The following PLA2R1 variants were observed in gnomAD, a reference collection of about 807,000 sequenced individuals.
The protein encoded by PLA2R1 is phospholipase A2 receptor 1.
Under a neutral mutation model 195.9 loss-of-function variants are expected in PLA2R1, and 158 were observed. The ratio of observed to expected loss-of-function variants is 0.81; its 90% CI spans 0.71 to 0.92. PLA2R1 has a LOEUF of 0.92. PLA2R1 is among the 40% of genes least tolerant of loss of function. PLA2R1 has a pLI of 0.00. For missense variants in PLA2R1, 1,626 were observed against 1,764.6 expected, an observed-to-expected ratio of 0.92 and a Z score of 1.41; for synonymous variants, 586 against 598.2, an observed-to-expected ratio of 0.98 and a Z score of 0.30.
In PLA2R1 at chr2:159,934,794, T is replaced by C. The variant is rs1194545140; in HGVS notation, c.*6984A>G. ...TCTAATGGTACATCTCATAAAACCA[T>C]GGTATAATCATCAAAACAAAGAAAC... On this transcript the variant is annotated 3_prime_UTR_variant, in exon 30 of 30. Coordinates refer to ENST00000283243, the MANE Select transcript of PLA2R1 (RefSeq NM_007366.5). The C allele has an allele frequency of 6.6e-6, 1 of 152,188 alleles. No homozygotes were observed. The allele number at this position is 152,188 out of a possible 1,614,324, so 9.4% of individuals were successfully genotyped here.
intron 3 of PLA2R1, among the ~76,000 whole-genome samples, chr2:160,038,223 T>C (rs761006820): frequency 6.6e-6 from 1 of 152,210 alleles, no homozygotes; most frequent in Admixed American, 6.5e-5. Context: ...ATTTTTAAGA[T>C]GTTATTTCAA....
chr2:159,977,189 T>C (rs1331079339), intron 15 of PLA2R1, 95 bp downstream of exon 15: 2 of 889,518 alleles, frequency 2.2e-6, no homozygotes, highest in African/African-American at 1.7e-5. Flanking sequence ...TATCATGCAA[T>C]TTGTTGATAT....
rs1184746560 is a variant in PLA2R1, at chr2:159,941,932, A to G, written c.4238T>C (p.Ile1413Thr). The G allele has an allele frequency of 6.2e-7, 1 of 1,614,000 alleles. No homozygotes were observed. Among genetic ancestry groups the G allele is most frequent in the South Asian group, 1.1e-5 (1 of 91,080 alleles). Residue 1413 changes from isoleucine (I) to threonine (T), a missense_variant, in exon 30 of 30, where the codon ATT (isoleucine) becomes ACT (threonine). Ile to Thr is a moderately conservative substitution (Grantham distance 89). Transcript: ENST00000283243. ...VVLTLIVIVAICTLSFCIYKH... is the reference protein window; with the variant it reads ...VVLTLIVIVATCTLSFCIYKH... ...GTATATGCAGAAGGAAAGTGTGCAA[A>G]TGGCCACAATGACTATCAGTGTCAG...
Position 159,987,145 on chromosome 2 carries a change from C to T in PLA2R1, c.2037+11G>A. 1.3e-6 allele frequency: 2 copies of T among 1,595,902 alleles called. No homozygotes were observed. The highest frequency in any genetic ancestry group is 1.3e-5 in the African/African-American group (1 of 74,600). ...GTCCTGTTAAGAATGTCCATGTAAC[C>T]TTGGTATCACCTTGAAGCAACTGGC... On this transcript the variant is annotated intron_variant, in intron 12 of 29. Transcript: ENST00000283243.
intron 24 of PLA2R1, among the ~76,000 whole-genome samples, chr2:159,950,764 C>T (rs1296765443): frequency 1.3e-5 from 2 of 152,144 alleles, no homozygotes; most frequent in African/African-American, 4.8e-5. Context: ...ACAGTGTTCA[C>T]AATTACTAAC....
intron 10 of PLA2R1, among the ~76,000 whole-genome samples, chr2:160,011,039 C>T (rs1399155822): frequency 6.6e-6 from 1 of 152,200 alleles, no homozygotes; most frequent in Non-Finnish European, 1.5e-5. Context: ...TGCCATAGTT[C>T]TGCTTTACAG....
At chr2:160,035,673 C>T (rs1448576654) in intron 3 of PLA2R1, among the ~76,000 whole-genome samples, 4 of 152,046 alleles carry the variant, frequency 2.6e-5, no homozygotes, top group Non-Finnish European at 5.9e-5. Flanking sequence ...TGAGAGATTA[C>T]CAGAATCTTT....
intron 6 of PLA2R1, among the ~76,000 whole-genome samples, 172 bp downstream of exon 6, chr2:160,028,046 A>G (rs1693629192): frequency 6.6e-6 from 1 of 152,242 alleles, no homozygotes; most frequent in Non-Finnish European, 1.5e-5. Flanking sequence ...TGTTAAAATC[A>G]CAGTCCCTTT....
intron 7 of PLA2R1, among the ~76,000 whole-genome samples, chr2:160,020,981 G>A (rs1033636844): frequency 6.6e-6 from 1 of 152,136 alleles, no homozygotes; most frequent in South Asian, 2.1e-4. Context: ...AACCATGTAT[G>A]TATGTTAAGC....
chr2:159,943,637 T>C (rs1171975075), intron 28 of PLA2R1, among the ~76,000 whole-genome samples: 1 of 152,150 alleles, frequency 6.6e-6, no homozygotes, highest in Non-Finnish European at 1.5e-5. Context: ...GATATTTAAA[T>C]TGCTCCACTA....
chr2:160,020,032 G>T, intron 8 of PLA2R1, 74 bp downstream of exon 8: 1 of 1,156,598 alleles, frequency 8.6e-7, no homozygotes, highest in Non-Finnish European at 1.3e-6. Context: ...CTCTGCCACA[G>T]CCCAAAGCTC....
intron 1 of PLA2R1, among the ~76,000 whole-genome samples, chr2:160,048,785 C>T (rs1224849994): frequency 6.6e-6 from 1 of 151,560 alleles, no homozygotes; most frequent in Non-Finnish European, 1.5e-5. Flanking sequence ...TTATACTTCC[C>T]TTCATAATTA....
Position 160,062,384 on chromosome 2 carries a change from A to C in PLA2R1, c.20T>G (p.Leu7Arg), listed in dbSNP as rs1315479291. Residue 7 changes from leucine (L) to arginine (R), a missense_variant, in exon 1 of 30, where the codon CTG (leucine) becomes CGG (arginine). Physicochemically the swap from Leu to Arg is moderately radical, Grantham distance 102 (BLOSUM62 -2). Coordinates refer to ENST00000283243, the MANE Select transcript of PLA2R1 (RefSeq NM_007366.5). ...CGCCCCCAGCAGCAGCAGCAGCAGC[A>C]GCGACGGCGACAGCAGCATCGCTAA... is the stretch of plus-strand genomic sequence containing the variant. MLLSPS[L>R]LLLLLLGAPR... 1 of 1,540,056 alleles carries C rather than the reference A, an allele frequency of 6.5e-7. No individual in the cohort carries two copies. The highest frequency in any genetic ancestry group is 8.8e-7 in the Non-Finnish European group (1 of 1,142,626).
intron 11 of PLA2R1, among the ~76,000 whole-genome samples, chr2:159,992,509 A>C (rs10184981): frequency 0.58 from 81,486 of 139,970 alleles, 26,709 homozygotes; most frequent in Non-Finnish European, 0.74. Flanking sequence ...TCAAGGAAAT[A>C]AAAGAGGATA....
rs755852643 is a variant in PLA2R1, at chr2:159,956,639, T to C, written c.2905-12A>G. ...TTCAGCAGAAGGCACTATCAAAAAA[T>C]GTCAAAACAAAACATTCATTTCTGT... On this transcript the variant is annotated splice_polypyrimidine_tract_variant and intron_variant, in intron 20 of 29. Coordinates refer to ENST00000283243, the MANE Select transcript of PLA2R1 (RefSeq NM_007366.5). The C allele has an allele frequency of 3.4e-6, 5 of 1,471,576 alleles. No individual in the cohort carries two copies. The highest frequency in any genetic ancestry group is 4.5e-5 in the East Asian group (2 of 44,172). 91.2% of individuals were successfully genotyped at this position (1,471,576 alleles called of 1,614,324 possible). A position where few individuals can be genotyped will look rare whatever the true frequency, so the allele number is the denominator to read the frequency against.
chr2:159,951,747 A>C (rs1377927277), intron 23 of PLA2R1, among the ~76,000 whole-genome samples, 169 bp from the exon 24 acceptor site: 3 of 152,236 alleles, frequency 2.0e-5, no homozygotes, highest in Non-Finnish European at 4.4e-5. Context: ...GTGATGCAAA[A>C]AAATGAGAAC....
chr2:159,987,382 T>A, intron 11 of PLA2R1, 24 bp from the exon 12 acceptor site: 1 of 1,561,020 alleles, frequency 6.4e-7, no homozygotes, highest in Non-Finnish European at 8.8e-7. Flanking sequence ...ACAAGCATTT[T>A]TAATACCAGA....
intron 13 of PLA2R1, among the ~76,000 whole-genome samples, chr2:159,983,431 T>TA (rs531721808): frequency 3.5e-5 from 5 of 144,608 alleles, no homozygotes; most frequent in East Asian, 3.9e-4. Context: ...GGGTTGGAAT[T>TA]AAAAAAAAAA....
At chr2:160,026,060 GTTAAT>G (rs1693506287) in intron 6 of PLA2R1, among the ~76,000 whole-genome samples, 1 of 152,116 alleles carries the variant, frequency 6.6e-6, no homozygotes, top group Admixed American at 6.5e-5. Flanking sequence ...TGATGGATGT[GTTAAT>G]TTGTTTCACT....
Sources: gnomAD v4.1 joint callset for allele counts (sites outside exome capture counted in the v4.1 genomes callset) on GRCh38, gnomAD v4.1.1 for gene constraint, MANE v1.5 for transcripts, NCBI Gene and HGNC (gene_info 2026-07-23, HGNC 2026-07-21) for gene names.